The following C6 variants were observed in gnomAD, a reference collection of about 807,000 sequenced individuals.
C6 encodes the protein complement C6, also known as complement component C6.
C6 carries 101 observed loss-of-function variants against 112.9 expected under a neutral mutation model. The observed-to-expected ratio is 0.89, with a 90% CI of 0.76 to 1.06. The LOEUF is 1.06. C6 is among the 50% of genes least tolerant of loss of function. The pLI is 0.00. For synonymous variants in C6, 431 were observed against 384.1 expected, an observed-to-expected ratio of 1.12 and a Z score of -1.43; for missense variants, 1,202 against 1,104.6, an observed-to-expected ratio of 1.09 and a Z score of -1.25.
At chr5:41,160,530 G>A (rs1455420958) in intron 10 of C6, among the ~76,000 whole-genome samples, 163 bp from the exon 11 acceptor site, 1 of 152,132 alleles carries the variant, frequency 6.6e-6, no homozygotes, top group African/African-American at 2.4e-5. Context: ...GTAGGCAAAA[G>A]CCTTCTACCT....
chr5:41,145,512 C>G (rs755396538), intron 17 of C6, among the ~76,000 whole-genome samples: 2 of 152,076 alleles, frequency 1.3e-5, no homozygotes, highest in Admixed American at 6.6e-5. Flanking sequence ...CCTGAGTCAG[C>G]GTGAGTATTA....
intron 8 of C6, among the ~76,000 whole-genome samples, chr5:41,173,963 G>T (rs2150305991): frequency 6.6e-6 from 1 of 152,126 alleles, no homozygotes; most frequent in Non-Finnish European, 1.5e-5. Flanking sequence ...CAAATATTTA[G>T]GCCATACTAC....
intron 1 of C6, among the ~76,000 whole-genome samples, chr5:41,260,909 A>C (rs1742017815): frequency 6.6e-6 from 1 of 152,252 alleles, no homozygotes; most frequent in Non-Finnish European, 1.5e-5. Context: ...TGAACAAGTT[A>C]GATTTGACAA....
At chr5:41,158,601 C>T in intron 13 of C6, 73 bp downstream of exon 13, 1 of 809,968 alleles carries the variant, frequency 1.2e-6, no homozygotes, top group Admixed American at 1.8e-5. Flanking sequence ...AACAGTAACT[C>T]TAATTAAAAG....
intron 7 of C6, among the ~76,000 whole-genome samples, chr5:41,179,705 G>A (rs1208910256): frequency 3.4e-5 from 5 of 147,482 alleles, no homozygotes; most frequent in African/African-American, 1.2e-4. Flanking sequence ...ATTATATATA[G>A]TTATATATAA....
intron 1 of C6, among the ~76,000 whole-genome samples, chr5:41,224,479 T>A (rs1012700687): frequency 2.0e-5 from 3 of 152,170 alleles, no homozygotes; most frequent in Non-Finnish European, 4.4e-5. Flanking sequence ...ATTCTTCACA[T>A]TTCATATAAT....
Position 41,142,385 on chromosome 5 carries a change from A to G in C6, c.*440T>C, listed in dbSNP as rs1745433695. The G allele has an allele frequency of 9.7e-6, 2 of 205,308 alleles. No individual in the cohort carries two copies. Among genetic ancestry groups the G allele is most frequent in the Non-Finnish European group, 2.0e-5 (2 of 98,188 alleles). The allele number at this position is 205,308 out of a possible 1,614,324, so 12.7% of individuals were successfully genotyped here. On this transcript the variant is annotated 3_prime_UTR_variant, in exon 18 of 18. Coordinates refer to ENST00000337836, the MANE Select transcript of C6 (RefSeq NM_000065.5). Reference sequence around the variant, plus strand: ...TGACATCCTGTATACACACTCAGAAATTATTTGTTGAATGAAGATATGAAA... The same window carrying G: ...TGACATCCTGTATACACACTCAGAAGTTATTTGTTGAATGAAGATATGAAA...
chr5:41,147,846 G>A (rs1031035422), intron 17 of C6, among the ~76,000 whole-genome samples: 13 of 152,164 alleles, frequency 8.5e-5, no homozygotes, highest in East Asian at 3.9e-4. Flanking sequence ...TCCCTGCCTC[G>A]AAATAATTCA....
chr5:41,153,262 A>C (rs1746582034), intron 15 of C6, among the ~76,000 whole-genome samples: 1 of 152,190 alleles, frequency 6.6e-6, no homozygotes, highest in South Asian at 2.1e-4. Flanking sequence ...TATTTCCTTT[A>C]TCTAGCTGTG....
intron 6 of C6, among the ~76,000 whole-genome samples, chr5:41,182,760 ACT>A (rs1175077244): frequency 2.0e-5 from 3 of 152,136 alleles, no homozygotes; most frequent in Non-Finnish European, 4.4e-5. Flanking sequence ...TGTGACCTTG[ACT>A]CTAGTCATTC....
At chr5:41,236,859 A>C (rs1313161289) in intron 1 of C6, among the ~76,000 whole-genome samples, 2 of 135,298 alleles carry the variant, frequency 1.5e-5, no homozygotes, top group Non-Finnish European at 3.2e-5. Context: ...AAGAGAGAAG[A>C]ATCAAATAGA....
At chr5:41,174,383 G>T (rs2150307037) in intron 8 of C6, among the ~76,000 whole-genome samples, 1 of 152,308 alleles carries the variant, frequency 6.6e-6, no homozygotes, top group African/African-American at 2.4e-5. Context: ...TAGCTACCCT[G>T]ATGCGTAAAA....
rs113894699 is a variant in C6, at chr5:41,199,056, A to G, written c.445+712T>C. Among the ~76,000 whole-genome samples, 1,210 of 152,300 alleles carry G rather than the reference A, an allele frequency of 7.9e-3. 17 individuals are homozygous for G. The highest frequency in any genetic ancestry group is 0.027 in the African/African-American group (1,133 of 41,564). ...ACCCTGACCCCAGCATTCCTGTCTG[A>G]CATTCAGAAAAAGCTGGCAAAGCTG... On this transcript the variant is annotated intron_variant, in intron 4 of 17. Coordinates refer to ENST00000337836, the MANE Select transcript of C6 (RefSeq NM_000065.5).
At position 41,207,496 on chromosome 5, in the gene C6, AGACACACATAG is replaced by A. The variant is rs1164752723; in HGVS notation, c.-20-4257_-20-4247del. Among the ~76,000 whole-genome samples the A allele has an allele frequency of 2.0e-5, 3 of 152,346 alleles. No homozygotes were observed. In the East Asian group the frequency reaches 5.8e-4, roughly 29 times the overall value. On this transcript the variant is annotated intron_variant, in intron 1 of 17. Transcript: ENST00000337836. ...TTCAGGAGACCCATCTCATGTGCAG[AGACACACATAG>A]GCTCAAAATAAAGGGATAGAGGAAG...
intron 1 of C6, among the ~76,000 whole-genome samples, chr5:41,210,205 C>T (rs1751786231): frequency 6.6e-6 from 1 of 152,142 alleles, no homozygotes; most frequent in African/African-American, 2.4e-5. Flanking sequence ...GCACCTTATA[C>T]AAAAATTAAT....
intron 1 of C6, among the ~76,000 whole-genome samples, chr5:41,248,304 G>T (rs1467703022): frequency 6.6e-6 from 1 of 152,088 alleles, no homozygotes; most frequent in African/African-American, 2.4e-5. Context: ...AATTGCAACA[G>T]AAACAAAAAT....
chr5:41,232,120 TTC>T (rs1394318486), intron 1 of C6, among the ~76,000 whole-genome samples: 3 of 152,154 alleles, frequency 2.0e-5, no homozygotes, highest in African/African-American at 4.8e-5. Context: ...TCAAAAATTC[TTC>T]TTAGCTTTGT....
At chr5:41,191,251 G>T (rs1175957765) in intron 5 of C6, among the ~76,000 whole-genome samples, 1 of 151,826 alleles carries the variant, frequency 6.6e-6, no homozygotes, top group Non-Finnish European at 1.5e-5. Context: ...ATTTTTAGTA[G>T]AGATGGGGTT....
At chr5:41,169,760 A>G (rs1748275230) in intron 9 of C6, among the ~76,000 whole-genome samples, 1 of 152,104 alleles carries the variant, frequency 6.6e-6, no homozygotes, top group Admixed American at 6.6e-5. Context: ...CTATCACGAG[A>G]ACAGCAGGGA....
Sources: allele counts gnomAD v4.1 joint callset (sites outside exome capture counted in the v4.1 genomes callset), GRCh38; gene constraint gnomAD v4.1.1; transcripts MANE v1.5; gene names NCBI Gene and HGNC (gene_info 2026-07-23, HGNC 2026-07-21).